Variants in TENM3 observed in about 807,000 individuals in gnomAD.
TENM3 encodes teneurin transmembrane protein 3, also known as teneurin-3.
Under a neutral mutation model 255.1 loss-of-function variants are expected in TENM3, and 63 were observed. The observed-to-expected ratio is 0.25, with a 90% CI of 0.20 to 0.30. The LOEUF is 0.30. Ranked by LOEUF, TENM3 falls within the 10% of genes least tolerant of loss-of-function variation. The pLI, the probability that TENM3 is intolerant of heterozygous loss-of-function variation, is 1.00. For synonymous variants in TENM3, 1,306 were observed against 1,322.3 expected (o/e 0.99, Z 0.27); for missense variants, 2,929 against 3,461.1 (o/e 0.85, Z 3.86).
chr4:182,231,449 G>A (rs1756575488), intron 1 of TENM3, among the ~76,000 whole-genome samples: 1 of 152,188 alleles, frequency 6.6e-6, no homozygotes, highest in South Asian at 2.1e-4. Context: ...ATAAATATGG[G>A]CCAGCCAGCT....
chr4:182,779,249 T>C (rs1486115456), intron 24 of TENM3, among the ~76,000 whole-genome samples: 1 of 149,180 alleles, frequency 6.7e-6, no homozygotes, highest in Non-Finnish European at 1.5e-5. Flanking sequence ...GATATTCCCC[T>C]TCCTGTGTCC....
intron 5 of TENM3, among the ~76,000 whole-genome samples, chr4:182,640,926 A>G (rs930947956): frequency 2.0e-5 from 3 of 152,220 alleles, no homozygotes; most frequent in Admixed American, 6.5e-5. Context: ...TGAGACACTC[A>G]TGGGAGACTG....
chr4:182,777,541 G>GTGTGTT (rs1579462872), intron 24 of TENM3, among the ~76,000 whole-genome samples: 1 of 106,400 alleles, frequency 9.4e-6, no homozygotes, highest in Non-Finnish European at 1.8e-5. Context: ...GTGTGTGTGT[G>GTGTGTT]TATTTCTTTT....
At chr4:181,878,904 T>G in the TENM3 span, among the ~76,000 whole-genome samples, 2 of 152,166 alleles carry the variant, frequency 1.3e-5, no homozygotes, top group South Asian at 2.1e-4. Flanking sequence ...ATGAATGCTC[T>G]TTGTCTATTG....
chr4:182,363,230 T>C (rs1459700221), intron 3 of TENM3, among the ~76,000 whole-genome samples: 1 of 152,168 alleles, frequency 6.6e-6, no homozygotes, highest in Non-Finnish European at 1.5e-5. Context: ...TCCAGGGACA[T>C]AGGTAACTTC....
At chr4:181,653,035 CA>C in the TENM3 span, among the ~76,000 whole-genome samples, 1 of 152,136 alleles carries the variant, frequency 6.6e-6, no homozygotes, top group Non-Finnish European at 1.5e-5. Flanking sequence ...AATTTTGTCT[CA>C]AAAAATCGGC....
At chr4:181,605,450 GAA>G in the TENM3 span, among the ~76,000 whole-genome samples, 6 of 73,868 alleles carry the variant, frequency 8.1e-5, no homozygotes, top group Non-Finnish European at 1.6e-4. Context: ...TCAAAAGAAA[GAA>G]AGAGAGAGAG....
At chr4:182,041,552 C>T in the TENM3 span, among the ~76,000 whole-genome samples, 3 of 152,088 alleles carry the variant, frequency 2.0e-5, no homozygotes, top group African/African-American at 7.2e-5. Context: ...ATACTAATCC[C>T]TTGTTATAAT....
chr4:182,784,870 C>T, intron 24 of TENM3, among the ~76,000 whole-genome samples: 1 of 152,130 alleles, frequency 6.6e-6, no homozygotes, highest in Non-Finnish European at 1.5e-5. Flanking sequence ...CTCCCTGACC[C>T]CTTGCACTTC....
At chr4:182,066,513 A>G in the TENM3 span, among the ~76,000 whole-genome samples, 2 of 151,942 alleles carry the variant, frequency 1.3e-5, no homozygotes, top group Non-Finnish European at 2.9e-5. Context: ...AATGGAGGCT[A>G]AAAAAATTCT....
At chr4:182,311,875 A>C (rs1256590726) in intron 1 of TENM3, among the ~76,000 whole-genome samples, 2 of 152,188 alleles carry the variant, frequency 1.3e-5, no homozygotes, top group Non-Finnish European at 2.9e-5. Context: ...TCTTTAAGGC[A>C]CTTTTTAAAT....
chr4:182,418,771 C>T (rs962011402), intron 3 of TENM3, among the ~76,000 whole-genome samples: 5 of 152,088 alleles, frequency 3.3e-5, no homozygotes, highest in African/African-American at 1.2e-4. Context: ...CCATGTTGCC[C>T]AGGCTGGTCT....
chr4:181,605,437 C>G, the TENM3 span, among the ~76,000 whole-genome samples: 1 of 135,706 alleles, frequency 7.4e-6, no homozygotes, highest in East Asian at 2.2e-4. Flanking sequence ...AAGCGAGACA[C>G]CATCAAAAGA....
the TENM3 span, among the ~76,000 whole-genome samples, chr4:181,753,642 A>C: frequency 6.6e-6 from 1 of 151,436 alleles, no homozygotes; most frequent in Non-Finnish European, 1.5e-5. Context: ...CTGATTATCA[A>C]ACAGACTTCC....
the TENM3 span, among the ~76,000 whole-genome samples, chr4:181,956,189 A>G: frequency 6.6e-6 from 1 of 152,122 alleles, no homozygotes; most frequent in African/African-American, 2.4e-5. Flanking sequence ...CACATTCATA[A>G]GGGCTCTGCT....
intron 3 of TENM3, among the ~76,000 whole-genome samples, chr4:182,500,037 C>T (rs1443054459): frequency 6.6e-6 from 1 of 152,128 alleles, no homozygotes; most frequent in Non-Finnish European, 1.5e-5. Flanking sequence ...ACTTATACGA[C>T]TTCTGGTTTA....
At chr4:182,239,358 C>T (rs1461955469), upstream of TENM3, among the ~76,000 whole-genome samples, 1 of 152,138 alleles carries the variant, frequency 6.6e-6, no homozygotes, top group African/African-American at 2.4e-5. Context: ...GGATTACAGG[C>T]ATGAGCCACC....
chr4:182,106,004 C>T, the TENM3 span, among the ~76,000 whole-genome samples: 150 of 152,368 alleles, frequency 9.8e-4, no homozygotes, highest in African/African-American at 3.5e-3. Flanking sequence ...TACTCTAAAT[C>T]GTACTGTTGG....
At chr4:181,643,308 CTGTT>C in the TENM3 span, among the ~76,000 whole-genome samples, 5 of 152,004 alleles carry the variant, frequency 3.3e-5, no homozygotes, top group East Asian at 1.9e-4. Context: ...ATTTGGCTCT[CTGTT>C]TGTCTTGTGA....
Sources: gnomAD v4.1 joint callset for allele counts (sites outside exome capture counted in the v4.1 genomes callset) on GRCh38, gnomAD v4.1.1 for gene constraint, MANE v1.5 for transcripts, NCBI Gene and HGNC (gene_info 2026-07-23, HGNC 2026-07-21) for gene names.